Variants in NREP observed in about 807,000 individuals in gnomAD.
NREP encodes neuronal regeneration related protein.
In NREP, 5 loss-of-function variants were observed where a neutral mutation model predicts 8.6. That is an observed-to-expected ratio of 0.58 (90% confidence interval 0.30 to 1.22). The LOEUF is 1.22. Ranked by LOEUF, NREP falls within the 50% of genes most tolerant of loss-of-function variation. NREP has a pLI of 0.07. For missense variants in NREP, 86 were observed against 82.5 expected, an observed-to-expected ratio of 1.04 and a Z score of -0.17; for synonymous variants, 27 against 28.0, an observed-to-expected ratio of 0.96 and a Z score of 0.11.
At chr5:111,789,032 G>C (rs1751678451) in intron 2 of NREP, among the ~76,000 whole-genome samples, 1 of 152,190 alleles carries the variant, frequency 6.6e-6, no homozygotes, top group Non-Finnish European at 1.5e-5. Flanking sequence ...CTCCAAGTGG[G>C]ACACTGGCTG....
intron 2 of NREP, among the ~76,000 whole-genome samples, chr5:111,741,308 C>CCTAA (rs1260595284): frequency 1.3e-5 from 2 of 152,214 alleles, no homozygotes; most frequent in South Asian, 2.1e-4. Flanking sequence ...TTTTATTCTG[C>CCTAA]CTAACTAGCC....
intron 1 of NREP, among the ~76,000 whole-genome samples, chr5:111,756,443 G>A (rs1750716734): frequency 6.6e-6 from 1 of 151,780 alleles, no homozygotes; most frequent in South Asian, 2.1e-4. Flanking sequence ...TCAGAAGACC[G>A]CTCTTTTGTT....
Position 111,755,786 on chromosome 5 carries a change from G to C in NREP, c.-14C>G. 6.2e-7 allele frequency: 1 copy of C among 1,613,876 alleles called. No individual in the cohort carries two copies. The highest frequency in any genetic ancestry group is 8.5e-7 in the Non-Finnish European group (1 of 1,179,812). ...AAGTCTTACCATTTTGAGAATCTTA[G>C]TCTTGGGCTTCTATTCTCCCTCTCT... On this transcript the variant is annotated 5_prime_UTR_variant, in exon 2 of 4. Transcript: ENST00000257435.
Position 111,850,574 on chromosome 5 carries a change from T to A in NREP, c.136-115067A>T, listed in dbSNP as rs1343431328. Among the ~76,000 whole-genome samples the A allele has an allele frequency of 2.0e-5, 3 of 152,120 alleles. No individual in the cohort carries two copies. In the East Asian group the frequency reaches 5.8e-4, roughly 29 times the overall value. ...CAGCCCCAAAATCTTATGGTTAACC[T>A]TTACTGCCTCCCTTCCCTTCATCTC... On this transcript the variant is annotated intron_variant, in intron 2 of 3. Coordinates refer to the NREP transcript ENST00000395634.
chr5:111,872,312 T>C (rs959375487), intron 2 of NREP, among the ~76,000 whole-genome samples: 1 of 152,150 alleles, frequency 6.6e-6, no homozygotes, highest in African/African-American at 2.4e-5. Flanking sequence ...TCAGCCTTTG[T>C]TCTTCTTCAA....
rs1352738511 is a variant in NREP at position 111,953,418 on chromosome 5, C to CTT, written c.135+21854_135+21855dup. Among the ~76,000 whole-genome samples the CTT allele has an allele frequency of 2.0e-5, 3 of 152,208 alleles. No individual in the cohort carries two copies. In the East Asian group the frequency reaches 5.8e-4, roughly 30 times the overall value. On this transcript the variant is annotated intron_variant, in intron 2 of 3. Transcript: ENST00000395634. The stretch of plus-strand genomic sequence containing the variant: ...ATAACTTTTTTTCCCAAAGACTTTT[C>CTT]TTCTGCATCACTGGCAACCTCCTCC...
At chr5:111,887,120 C>T (rs1442784428) in intron 2 of NREP, among the ~76,000 whole-genome samples, 1 of 152,036 alleles carries the variant, frequency 6.6e-6, no homozygotes, top group Non-Finnish European at 1.5e-5. Flanking sequence ...GTTGAGGTTT[C>T]ACTATATTGC....
chr5:111,892,119 G>C (rs1216696166), intron 2 of NREP, among the ~76,000 whole-genome samples: 1 of 152,098 alleles, frequency 6.6e-6, no homozygotes, highest in Non-Finnish European at 1.5e-5. Context: ...TCTCATTCAT[G>C]AAAATTAAAG....
chr5:111,768,613 C>A (rs1003334282), intron 2 of NREP, among the ~76,000 whole-genome samples: 1 of 152,106 alleles, frequency 6.6e-6, no homozygotes, highest in African/African-American at 2.4e-5. Context: ...GAGAAGGTGT[C>A]GTATTTGAAT....
intron 2 of NREP, among the ~76,000 whole-genome samples, chr5:111,749,791 G>C (rs1256775104): frequency 1.3e-5 from 2 of 152,142 alleles, no homozygotes; most frequent in Non-Finnish European, 2.9e-5. Flanking sequence ...ATCTGCCAAT[G>C]AAAGTGCTGC....
At chr5:111,875,619 C>T (rs1298581922) in intron 2 of NREP, among the ~76,000 whole-genome samples, 1 of 152,200 alleles carries the variant, frequency 6.6e-6, no homozygotes, top group African/African-American at 2.4e-5. Flanking sequence ...AACAGTATTA[C>T]AATTTAAAAA....
At chr5:111,976,405 A>G (rs972828613) in intron 1 of NREP, among the ~76,000 whole-genome samples, 2 of 152,200 alleles carry the variant, frequency 1.3e-5, no homozygotes, top group Non-Finnish European at 2.9e-5. Flanking sequence ...GGTCTGTTAC[A>G]CCATGTACCC....
chr5:111,819,404 C>T (rs1414195597), intron 2 of NREP, among the ~76,000 whole-genome samples: 1 of 152,166 alleles, frequency 6.6e-6, no homozygotes, highest in African/African-American at 2.4e-5. Context: ...ATAAGAACCC[C>T]TTCCCCTCCC....
At chr5:111,912,002 G>C (rs1371599974) in intron 2 of NREP, among the ~76,000 whole-genome samples, 1 of 152,032 alleles carries the variant, frequency 6.6e-6, no homozygotes, top group South Asian at 2.1e-4. Context: ...CGATTGATAA[G>C]TGCCAAAGAC....
intron 2 of NREP, among the ~76,000 whole-genome samples, chr5:111,772,638 C>T (rs183476512): frequency 1.1e-3 from 174 of 152,062 alleles, no homozygotes; most frequent in Non-Finnish European, 1.8e-3. Flanking sequence ...CATTCAGCCC[C>T]TCCCCCGAGA....
At chr5:111,975,144 G>A (rs188834627) in intron 2 of NREP, 1 of 660,668 alleles carries the variant, frequency 1.5e-6, no homozygotes, top group Non-Finnish European at 2.7e-6. Context: ...CTGAATTAAT[G>A]GAAAGGCTTT....
intron 2 of NREP, among the ~76,000 whole-genome samples, chr5:111,960,601 T>G (rs1756452607): frequency 6.6e-6 from 1 of 152,104 alleles, no homozygotes; most frequent in Non-Finnish European, 1.5e-5. Context: ...GCAATCTGAG[T>G]AGGCAAGAAT....
intron 2 of NREP, among the ~76,000 whole-genome samples, chr5:111,737,623 C>A (rs1436196252): frequency 6.6e-6 from 1 of 151,608 alleles, no homozygotes; most frequent in Non-Finnish European, 1.5e-5. Context: ...ACTAAAACCA[C>A]CAAAGTCTAA....
intron 2 of NREP, among the ~76,000 whole-genome samples, chr5:111,829,078 G>A (rs748556850): frequency 3.3e-5 from 5 of 151,656 alleles, no homozygotes; most frequent in Non-Finnish European, 5.9e-5. Flanking sequence ...AAACCATCAT[G>A]AAAGAGCATA....
Sources: allele counts gnomAD v4.1 joint callset (sites outside exome capture counted in the v4.1 genomes callset), GRCh38; gene constraint gnomAD v4.1.1; transcripts MANE v1.5; gene names NCBI Gene and HGNC (gene_info 2026-07-23, HGNC 2026-07-21).